The following GLI3 variants were observed in gnomAD, a reference collection of about 807,000 sequenced individuals.
The protein encoded by GLI3 is transcription activator GLI3.
In GLI3, 20 loss-of-function variants were observed where a neutral mutation model predicts 100.8. The observed-to-expected ratio is 0.20, with a 90% confidence interval of 0.14 to 0.29. The LOEUF is 0.29. Among genes scored for constraint, GLI3 ranks in the 10% least tolerant of loss-of-function variants. The pLI is 1.00. For synonymous variants in GLI3, 938 were observed against 860.5 expected (o/e 1.09, Z -1.58); for missense variants, 2,040 against 2,128.5 (o/e 0.96, Z 0.82).
chr7:41,977,941 G>T, intron 11 of GLI3: 3 of 516,574 alleles, frequency 5.8e-6, no homozygotes, highest in Non-Finnish European at 3.4e-6. Context: ...AAGTCCTGAA[G>T]TTTTTTTTTT....
chr7:42,107,305 G>A (rs907487638), intron 3 of GLI3, among the ~76,000 whole-genome samples: 28 of 152,172 alleles, frequency 1.8e-4, no homozygotes, highest in Non-Finnish European at 2.9e-5. Context: ...ACTCCAGCCT[G>A]GGCGACAGTG....
At chr7:42,209,242 G>C (rs1788215992) in intron 2 of GLI3, among the ~76,000 whole-genome samples, 2 of 152,004 alleles carry the variant, frequency 1.3e-5, no homozygotes, top group Admixed American at 1.3e-4. Flanking sequence ...GTAGAGACAG[G>C]GTCTTGCTAT....
At chr7:42,073,917 C>G (rs1237733960) in intron 4 of GLI3, among the ~76,000 whole-genome samples, 1 of 152,168 alleles carries the variant, frequency 6.6e-6, no homozygotes, top group African/African-American at 2.4e-5. Context: ...ATTTTACTTT[C>G]CCAGGTAACT....
rs890950791 is a variant in GLI3 at position 42,017,401 on chromosome 7, A to T, written c.1497+6067T>A. Among the ~76,000 whole-genome samples, 6 of 152,272 alleles carry T rather than the reference A, an allele frequency of 3.9e-5. No individual in the cohort carries two copies. The South Asian group carries it at 8.3e-4, about 21-fold the overall frequency. Reference sequence around the variant, plus strand: ...TCAGGGAGTATACAACGGATGAATGAATTAAGAAAGTAACTAATACATGGC... The same window carrying T: ...TCAGGGAGTATACAACGGATGAATGTATTAAGAAAGTAACTAATACATGGC... On this transcript the variant is annotated intron_variant, in intron 10 of 14. Coordinates refer to ENST00000395925, the MANE Select transcript of GLI3 (RefSeq NM_000168.6).
At chr7:42,230,790 G>A (rs117461098) in intron 1 of GLI3, among the ~76,000 whole-genome samples, 1 of 152,154 alleles carries the variant, frequency 6.6e-6, no homozygotes, top group Non-Finnish European at 1.5e-5. Context: ...TGCATAGCAG[G>A]TGCCATTAAA....
chr7:42,028,850 G>C (rs1325118985), intron 7 of GLI3, among the ~76,000 whole-genome samples: 1 of 151,742 alleles, frequency 6.6e-6, no homozygotes, highest in Non-Finnish European at 1.5e-5. Context: ...CAAAAGATAA[G>C]ACTCAGCATT....
chr7:41,991,066 T>A (rs1562673639), intron 10 of GLI3, among the ~76,000 whole-genome samples: 1 of 152,184 alleles, frequency 6.6e-6, no homozygotes, highest in Non-Finnish European at 1.5e-5. Flanking sequence ...AGCTTATTTA[T>A]GATATGACAG....
chr7:42,069,229 A>G (rs1052353640), intron 4 of GLI3, among the ~76,000 whole-genome samples: 5 of 152,240 alleles, frequency 3.3e-5, no homozygotes, highest in African/African-American at 1.2e-4. Flanking sequence ...TTTCTCTGCA[A>G]CTGAGGACCG....
intron 3 of GLI3, among the ~76,000 whole-genome samples, chr7:42,129,239 G>C (rs1786211339): frequency 6.6e-6 from 1 of 152,178 alleles, no homozygotes; most frequent in Non-Finnish European, 1.5e-5. Context: ...GTATATATGA[G>C]AAAATGGGGG....
chr7:41,994,712 C>T (rs1463802508), intron 10 of GLI3, among the ~76,000 whole-genome samples: 2 of 152,206 alleles, frequency 1.3e-5, no homozygotes, highest in Non-Finnish European at 2.9e-5. Context: ...TTTCATTCCT[C>T]AAGAAGTGCT....
rs147898461 is a variant in GLI3, at chr7:42,262,028, C to CTCTT, written c.-43+1962_-43+1965dup. ...TTCTTTCTTTCCTTCCTCTCTCTCT[C>CTCTT]TCTTTCTTTCTTTCTTTCTTTTTTC... On this transcript the variant is annotated intron_variant, in intron 1 of 2. Transcript: ENST00000678978. Among the ~76,000 whole-genome samples, 487 of 145,652 alleles carry CTCTT rather than the reference C, an allele frequency of 3.3e-3. 4 individuals carry two copies. The highest frequency in any genetic ancestry group is 0.011 in the African/African-American group (453 of 39,436).
At chr7:41,984,062 G>A (rs926403668) in intron 10 of GLI3, among the ~76,000 whole-genome samples, 1 of 152,206 alleles carries the variant, frequency 6.6e-6, no homozygotes, top group African/African-American at 2.4e-5. Flanking sequence ...AGCAATCAAG[G>A]AGGCAGAAGG....
At chr7:41,984,697 G>A (rs544022608) in intron 10 of GLI3, among the ~76,000 whole-genome samples, 178 of 152,290 alleles carry the variant, frequency 1.2e-3, no homozygotes, top group Middle Eastern at 6.8e-3. Context: ...GTGGAGGGGG[G>A]AAACGCGAAG....
chr7:42,049,031 T>C (rs1433741252), intron 4 of GLI3, among the ~76,000 whole-genome samples: 9 of 152,262 alleles, frequency 5.9e-5, no homozygotes, highest in African/African-American at 2.2e-4. Context: ...GTTGCTACAA[T>C]TGTATTTTCC....
intron 14 of GLI3, among the ~76,000 whole-genome samples, chr7:41,967,148 G>A (rs1453829750): frequency 6.6e-6 from 1 of 152,186 alleles, no homozygotes; most frequent in Non-Finnish European, 1.5e-5. Context: ...TCACCCCTTA[G>A]GTGCTCTCAG....
At chr7:42,060,729 C>T (rs1784550200) in intron 4 of GLI3, among the ~76,000 whole-genome samples, 1 of 152,026 alleles carries the variant, frequency 6.6e-6, no homozygotes, top group South Asian at 2.1e-4. Flanking sequence ...ATATTGACAC[C>T]CAATAGTGTA....
At chr7:42,116,438 G>C (rs758692388) in intron 3 of GLI3, among the ~76,000 whole-genome samples, 1 of 148,436 alleles carries the variant, frequency 6.7e-6, no homozygotes, top group Non-Finnish European at 1.5e-5. Flanking sequence ...AAACTGAAAA[G>C]CTTCATTAAT....
chr7:42,007,321 G>C (rs1250507166), intron 10 of GLI3, among the ~76,000 whole-genome samples: 1 of 150,930 alleles, frequency 6.6e-6, no homozygotes, highest in African/African-American at 2.4e-5. Context: ...CAAGTTAAAA[G>C]TTCTTATGTC....
chr7:42,242,052 T>C (rs1788930788), upstream of GLI3, among the ~76,000 whole-genome samples: 1 of 152,202 alleles, frequency 6.6e-6, no homozygotes, highest in Admixed American at 6.5e-5. Flanking sequence ...AGGAACTTAT[T>C]TATGTGACCT....
Sources: allele counts gnomAD v4.1 joint callset (sites outside exome capture counted in the v4.1 genomes callset), GRCh38; gene constraint gnomAD v4.1.1; transcripts MANE v1.5; gene names NCBI Gene and HGNC (gene_info 2026-07-23, HGNC 2026-07-21).